CDKAL1: variants seen among roughly 807,000 people sequenced by gnomAD.
CDKAL1 encodes threonylcarbamoyladenosine tRNA methylthiotransferase.
CDKAL1 carries 32 observed loss-of-function variants against 68.2 expected under a neutral mutation model. The observed-to-expected ratio is 0.47, with a 90% CI of 0.35 to 0.63. CDKAL1 has a LOEUF of 0.63. CDKAL1 is among the 30% of genes least tolerant of loss of function. CDKAL1 has a pLI of 0.00. For synonymous variants in CDKAL1, 234 were observed against 244.3 expected (o/e 0.96, Z 0.39); for missense variants, 606 against 696.7 (o/e 0.87, Z 1.47).
intron 6 of CDKAL1, among the ~76,000 whole-genome samples, chr6:20,741,132 G>A (rs146779447): frequency 1.3e-5 from 2 of 152,164 alleles, no homozygotes; most frequent in East Asian, 3.9e-4. Flanking sequence ...ATGTTAGGAT[G>A]TACAGGAGAT....
intron 15 of CDKAL1, among the ~76,000 whole-genome samples, chr6:21,211,768 T>C (rs943340896): frequency 6.6e-6 from 1 of 152,194 alleles, no homozygotes; most frequent in Non-Finnish European, 1.5e-5. Flanking sequence ...TTTTGCTTTG[T>C]TTTTGAGACA....
intron 9 of CDKAL1, among the ~76,000 whole-genome samples, chr6:20,947,268 C>G (rs1032983073): frequency 6.6e-6 from 1 of 152,076 alleles, no homozygotes; most frequent in African/African-American, 2.4e-5. Flanking sequence ...TCCCAGTAAA[C>G]CCATTGTAAG....
chr6:20,592,202 G>T (rs1765620483), intron 4 of CDKAL1, among the ~76,000 whole-genome samples: 2 of 152,176 alleles, frequency 1.3e-5, no homozygotes, highest in South Asian at 4.1e-4. Context: ...GAATGCTTAT[G>T]ATTTTTGCAC....
At chr6:21,140,487 A>G (rs1775843676) in intron 13 of CDKAL1, among the ~76,000 whole-genome samples, 1 of 152,160 alleles carries the variant, frequency 6.6e-6, no homozygotes, top group African/African-American at 2.4e-5. Context: ...AACTGGTATC[A>G]CTGCATGTTT....
chr6:20,612,912 A>C (rs1766683110), intron 4 of CDKAL1, among the ~76,000 whole-genome samples: 1 of 151,844 alleles, frequency 6.6e-6, no homozygotes, highest in Admixed American at 6.6e-5. Flanking sequence ...CAAAACCCAT[A>C]CAGTAAGTAA....
intron 13 of CDKAL1, among the ~76,000 whole-genome samples, chr6:21,126,776 A>T (rs1775035092): frequency 6.6e-6 from 1 of 152,238 alleles, no homozygotes; most frequent in African/African-American, 2.4e-5. Context: ...TGTTATGAAT[A>T]ACCCAACTCA....
intron 8 of CDKAL1, among the ~76,000 whole-genome samples, chr6:20,822,467 A>C (rs150296561): frequency 4.6e-5 from 7 of 152,266 alleles, no homozygotes; most frequent in East Asian, 1.9e-4. Flanking sequence ...AGACCTCGCG[A>C]TACTTCTCGG....
At chr6:20,769,721 G>A (rs1466046966) in intron 7 of CDKAL1, among the ~76,000 whole-genome samples, 3 of 152,138 alleles carry the variant, frequency 2.0e-5, no homozygotes, top group African/African-American at 7.2e-5. Flanking sequence ...TTTGATAGGA[G>A]TACAGTTGTT....
At chr6:20,949,725 T>G (rs1366046382) in intron 9 of CDKAL1, among the ~76,000 whole-genome samples, 1 of 151,950 alleles carries the variant, frequency 6.6e-6, no homozygotes, top group African/African-American at 2.4e-5. Context: ...AACAGAATTA[T>G]GTACAAGAGG....
intron 8 of CDKAL1, among the ~76,000 whole-genome samples, chr6:20,825,440 A>C (rs978003631): frequency 6.6e-6 from 1 of 152,128 alleles, no homozygotes; most frequent in Admixed American, 6.6e-5. Flanking sequence ...TTCTGCTCAG[A>C]ATGTGGACTG....
chr6:21,060,094 A>C (rs1005612586), intron 11 of CDKAL1, among the ~76,000 whole-genome samples: 1 of 152,116 alleles, frequency 6.6e-6, no homozygotes, highest in East Asian at 1.9e-4. Flanking sequence ...TCTTTGAAAT[A>C]GTTTCCATAG....
intron 4 of CDKAL1, among the ~76,000 whole-genome samples, chr6:20,615,774 C>G (rs1272681613): frequency 6.7e-4 from 92 of 138,220 alleles, no homozygotes; most frequent in African/African-American, 2.2e-3. Context: ...TGCAGAAGCT[C>G]TTTAGTTTAA....
chr6:21,063,459 T>A (rs1294833830), intron 11 of CDKAL1, among the ~76,000 whole-genome samples: 1 of 152,244 alleles, frequency 6.6e-6, no homozygotes, highest in Non-Finnish European at 1.5e-5. Flanking sequence ...GCTTGCTACC[T>A]TATCGCTGAA....
intron 12 of CDKAL1, among the ~76,000 whole-genome samples, chr6:21,094,377 G>A (rs933104851): frequency 6.6e-6 from 1 of 152,208 alleles, no homozygotes; most frequent in Non-Finnish European, 1.5e-5. Context: ...GAAGCTATGT[G>A]GAGCTGGTTG....
chr6:20,706,508 A>G (rs958273450), intron 5 of CDKAL1, among the ~76,000 whole-genome samples: 1 of 152,136 alleles, frequency 6.6e-6, no homozygotes, highest in Non-Finnish European at 1.5e-5. Flanking sequence ...CTTTCTCCTC[A>G]CTACCATTTT....
intron 15 of CDKAL1, among the ~76,000 whole-genome samples, chr6:21,219,628 C>T (rs1779463039): frequency 6.6e-6 from 1 of 152,154 alleles, no homozygotes. Context: ...CTGCCGTCTC[C>T]TTTATTCGTT....
intron 9 of CDKAL1, among the ~76,000 whole-genome samples, chr6:20,940,125 T>C (rs554925944): frequency 6.6e-6 from 1 of 152,180 alleles, no homozygotes; most frequent in Non-Finnish European, 1.5e-5. Flanking sequence ...AAATGATTGT[T>C]GTACAGTTGC....
intron 4 of CDKAL1, among the ~76,000 whole-genome samples, chr6:20,553,968 C>G (rs762655725): frequency 6.7e-6 from 1 of 150,086 alleles, no homozygotes; most frequent in African/African-American, 2.5e-5. Flanking sequence ...TACAGGTGTG[C>G]GGTACCATGC....
At chr6:20,904,733 G>A (rs1011907075) in intron 9 of CDKAL1, among the ~76,000 whole-genome samples, 20 of 151,830 alleles carry the variant, frequency 1.3e-4, no homozygotes, top group Non-Finnish European at 2.1e-4. Flanking sequence ...AGGTTGCGGC[G>A]AGCCGAGATT....
Sources: allele counts gnomAD v4.1 joint callset (sites outside exome capture counted in the v4.1 genomes callset), GRCh38; gene constraint gnomAD v4.1.1; transcripts MANE v1.5; gene names NCBI Gene and HGNC (gene_info 2026-07-23, HGNC 2026-07-21).